CDH23: variants seen among roughly 807,000 people sequenced by gnomAD.
The protein encoded by CDH23 is cadherin related 23, also known as cadherin-23.
CDH23 carries 189 observed loss-of-function variants against 317.1 expected under a neutral mutation model. That is an observed-to-expected ratio of 0.60 (90% confidence interval 0.53 to 0.67). The LOEUF (loss-of-function observed/expected upper bound fraction) is 0.67, where lower values mean the gene tolerates loss of function less well. Ranked by LOEUF, CDH23 falls within the 30% of genes least tolerant of loss-of-function variation. CDH23 has a pLI of 0.00. For synonymous variants in CDH23, 1,839 were observed against 1,876.8 expected, an observed-to-expected ratio of 0.98 and a Z score of 0.52; for missense variants, 4,401 against 4,592.4, an observed-to-expected ratio of 0.96 and a Z score of 1.20.
chr10:71,541,029 A>T (rs1855959732), intron 6 of CDH23, among the ~76,000 whole-genome samples: 1 of 151,840 alleles, frequency 6.6e-6, no homozygotes, highest in Non-Finnish European at 1.5e-5. Flanking sequence ...AGGGCCCCAG[A>T]TCTCCTGCAA....
intron 6 of CDH23, among the ~76,000 whole-genome samples, chr10:71,525,814 G>A (rs765006377): frequency 2.8e-5 from 3 of 106,520 alleles, no homozygotes; most frequent in African/African-American, 8.5e-5. Context: ...AGAAAGAGGC[G>A]TCCCTGCTTG....
chr10:71,429,326 C>T (rs1849258690), intron 1 of CDH23, among the ~76,000 whole-genome samples: 1 of 152,142 alleles, frequency 6.6e-6, no homozygotes, highest in South Asian at 2.1e-4. Context: ...CAGGGGTCTG[C>T]ATGGGGTGTG....
chr10:71,635,276 G>C (rs751085161), intron 11 of CDH23: 17 of 152,680 alleles, frequency 1.1e-4, no homozygotes, highest in Non-Finnish European at 2.2e-4. Flanking sequence ...CGGAGGGAGT[G>C]GGGGAAGGTC....
intron 6 of CDH23, among the ~76,000 whole-genome samples, chr10:71,538,407 CCTGTCTGGCCTCA>C (rs1195449907): frequency 6.6e-6 from 1 of 152,072 alleles, no homozygotes; most frequent in African/African-American, 2.4e-5. Context: ...GACCTTCCAG[CCTGTCTGGCCTCA>C]CTCGACGTTT....
Position 71,702,022 on chromosome 10 carries a change from G to A in CDH23, c.2398G>A (p.Val800Met). The change falls in exon 23 of 70, where the codon GTG becomes ATG. Residue 800 changes from valine to methionine, a missense_variant and splice_region_variant. Around this residue, in one of 3 missense-constraint regions of CDH23, gnomAD observed 3,068 missense variants for 3,203.3 expected, o/e 0.96. Transcript: ENST00000224721. ...MTPPDSDVTT[V>M]VAVDPDLGEN... ...AAGGGGTCTGCTCCCTCCCGGGCAG[G>A]TGGTGGCTGTTGACCCAGACCTGGG... The A allele has an allele frequency of 6.2e-7, 1 of 1,613,546 alleles. No homozygotes were observed. Among genetic ancestry groups the A allele is most frequent in the Non-Finnish European group, 8.5e-7 (1 of 1,179,838 alleles).
intron 27 of CDH23, among the ~76,000 whole-genome samples, chr10:71,710,532 G>T (rs976259868): frequency 6.6e-6 from 1 of 152,206 alleles, no homozygotes; most frequent in Non-Finnish European, 1.5e-5. Context: ...TCCAGCCTAG[G>T]ATGTGCAGGG....
intron 9 of CDH23, among the ~76,000 whole-genome samples, chr10:71,583,332 C>T (rs977890918): frequency 7.9e-5 from 12 of 151,928 alleles, no homozygotes; most frequent in Non-Finnish European, 1.5e-4. Context: ...CAGGAGAATG[C>T]CAGCCCTGGT....
At chr10:71,559,216 T>C (rs2132336276) in intron 6 of CDH23, among the ~76,000 whole-genome samples, 1 of 152,342 alleles carries the variant, frequency 6.6e-6, no homozygotes, top group South Asian at 2.1e-4. Context: ...TGTTGACATC[T>C]CTCATCTGCT....
Position 71,777,856 on chromosome 10 carries a change from C to T in CDH23, c.5022C>T (p.Ile1674=), listed in dbSNP as rs376952695. The T allele has an allele frequency of 3.0e-5, 48 of 1,613,908 alleles. No homozygotes were observed. The highest frequency in any genetic ancestry group is 2.7e-4 in the Admixed American group (16 of 60,016). ...EGPNGTVTYA[I]VAGNIVNTFR... is the part of the protein sequence containing the mutation. ...CCAACGGCACAGTCACCTATGCCAT[C>T]GTCGCAGGCAACATCGTCAACACCT... The change falls in exon 39 of 70, where the codon ATC becomes ATT. Residue 1674 remains isoleucine (I), a synonymous_variant. Coordinates refer to ENST00000224721, the MANE Select transcript of CDH23 (RefSeq NM_022124.6).
At chr10:71,403,874 G>A (rs1269898646) in intron 1 of CDH23, among the ~76,000 whole-genome samples, 1 of 152,078 alleles carries the variant, frequency 6.6e-6, no homozygotes, top group Non-Finnish European at 1.5e-5. Context: ...TGGATCATTT[G>A]AGGTCAGGAG....
intron 69 of CDH23, among the ~76,000 whole-genome samples, chr10:71,813,867 C>G (rs1842028087): frequency 6.6e-6 from 1 of 152,078 alleles, no homozygotes; most frequent in African/African-American, 2.4e-5. Flanking sequence ...AAGACCATGC[C>G]ACTGCACTCC....
At chr10:71,605,247 T>C (rs1564682423) in intron 9 of CDH23, among the ~76,000 whole-genome samples, 1 of 151,422 alleles carries the variant, frequency 6.6e-6, no homozygotes, top group Non-Finnish European at 1.5e-5. Context: ...TTGACCTTTT[T>C]TTTTTAAAAA....
chr10:71,729,820 G>A (rs543903458), intron 30 of CDH23, among the ~76,000 whole-genome samples: 1 of 152,074 alleles, frequency 6.6e-6, no homozygotes, highest in South Asian at 2.1e-4. Flanking sequence ...CATGGAGTGT[G>A]AACTATTTTA....
chr10:71,634,573 A>T (rs1589281517), intron 11 of CDH23, among the ~76,000 whole-genome samples: 1 of 152,152 alleles, frequency 6.6e-6, no homozygotes, highest in Non-Finnish European at 1.5e-5. Context: ...CAAGGAAGGG[A>T]TTGCTGAGTT....
At chr10:71,710,643 A>G (rs768033885) in intron 27 of CDH23, among the ~76,000 whole-genome samples, 5 of 152,230 alleles carry the variant, frequency 3.3e-5, no homozygotes, top group Non-Finnish European at 7.4e-5. Flanking sequence ...AGGGGAGCAC[A>G]GGGCAGTGCT....
intron 38 of CDH23, among the ~76,000 whole-genome samples, chr10:71,744,149 G>A (rs1013326289): frequency 2.0e-5 from 3 of 152,126 alleles, no homozygotes; most frequent in Admixed American, 6.6e-5. Context: ...ATTACTTGGG[G>A]GCCAGATATA....
Position 71,779,466 on chromosome 10 carries a change from A to G in CDH23, c.5368+19A>G. 6.3e-7 allele frequency: 1 copy of G among 1,583,762 alleles called. No individual in the cohort carries two copies. Among genetic ancestry groups the G allele is most frequent in the South Asian group, 1.1e-5 (1 of 88,592 alleles). ...CCTCTGGGTGAGTGGGGCTTGGGGC[A>G]TGCCACCCACAGGGTCTCACCTGCA... On this transcript the variant is annotated intron_variant, in intron 41 of 69. Transcript: ENST00000224721.
intron 21 of CDH23, among the ~76,000 whole-genome samples, chr10:71,695,081 A>G (rs2132715902): frequency 6.6e-6 from 1 of 152,322 alleles, no homozygotes; most frequent in Middle Eastern, 3.4e-3. Flanking sequence ...GGGGAGGCTC[A>G]AGGGATTCTA....
intron 53 of CDH23, among the ~76,000 whole-genome samples, 182 bp from the exon 54 acceptor site, chr10:71,802,716 A>C (rs1841590395): frequency 1.3e-5 from 2 of 152,202 alleles, no homozygotes; most frequent in South Asian, 4.1e-4. Context: ...CAACCAAGGT[A>C]ACTGAGGCTC....
Sources: allele counts gnomAD v4.1 joint callset (sites outside exome capture counted in the v4.1 genomes callset), GRCh38; gene constraint gnomAD v4.1.1; regional missense constraint gnomAD v4.1.1; transcripts MANE v1.5; gene names NCBI Gene and HGNC (gene_info 2026-07-23, HGNC 2026-07-21).